Variants in FNDC3B observed in about 807,000 individuals in gnomAD.
FNDC3B encodes the protein fibronectin type III domain containing 3B, also known as fibronectin type III domain-containing protein 3B.
FNDC3B carries 12 observed loss-of-function variants against 151.5 expected under a neutral mutation model. The ratio of observed to expected loss-of-function variants is 0.08; its 90% CI spans 0.05 to 0.13. The LOEUF is 0.13. Among genes scored for constraint, FNDC3B ranks in the 10% least tolerant of loss-of-function variants. The pLI, the probability that FNDC3B is intolerant of heterozygous loss-of-function variation, is 1.00. For missense variants in FNDC3B, 1,214 were observed against 1,505.3 expected, an observed-to-expected ratio of 0.81 and a Z score of 3.20; for synonymous variants, 528 against 549.0, an observed-to-expected ratio of 0.96 and a Z score of 0.54.
intron 22 of FNDC3B, among the ~76,000 whole-genome samples, chr3:172,354,371 AATC>A (rs1285585420): frequency 1.3e-5 from 2 of 151,934 alleles, no homozygotes; most frequent in African/African-American, 4.8e-5. Flanking sequence ...TATATCATGA[AATC>A]ATAAACTAAA....
chr3:172,191,338 C>A (rs1724497816), intron 3 of FNDC3B, among the ~76,000 whole-genome samples: 1 of 152,130 alleles, frequency 6.6e-6, no homozygotes, highest in Non-Finnish European at 1.5e-5. Context: ...TCGTGCTGGG[C>A]AAATTTTACT....
intron 11 of FNDC3B, among the ~76,000 whole-genome samples, chr3:172,323,661 C>A (rs1299720069): frequency 6.6e-6 from 1 of 152,196 alleles, no homozygotes; most frequent in Non-Finnish European, 1.5e-5. Context: ...TATGTAGCCA[C>A]ATAGTGCTTT....
At chr3:172,332,539 A>G (rs1732734117) in intron 13 of FNDC3B, among the ~76,000 whole-genome samples, 2 of 152,244 alleles carry the variant, frequency 1.3e-5, no homozygotes, top group Admixed American at 1.3e-4. Context: ...GGACAGCCCA[A>G]CACAGAGAAG....
intron 3 of FNDC3B, among the ~76,000 whole-genome samples, chr3:172,140,965 G>T (rs958227832): frequency 6.6e-6 from 1 of 152,182 alleles, no homozygotes; most frequent in Admixed American, 6.5e-5. Context: ...TCAGAGTACA[G>T]CTCTGTAGTG....
chr3:172,328,979 T>C lies in FNDC3B; in HGVS notation c.1282T>C (p.Cys428Arg). 6.2e-7 allele frequency: 1 copy of C among 1,613,372 alleles called. No individual in the cohort carries two copies. Residue 428 changes from cysteine (C) to arginine (R), a missense_variant, in exon 12 of 26, where the codon TGC (cysteine) becomes CGC (arginine). Physicochemically the swap from Cys to Arg is radical, Grantham distance 180 (BLOSUM62 -3). This residue lies in a region of FNDC3B where 156 missense variants were observed against 225.3 expected (regional missense o/e 0.69). Coordinates refer to ENST00000415807, the MANE Select transcript of FNDC3B (RefSeq NM_022763.4). ...EGKRNSGFRQ[C>R]FFGSQKHCKL... ...AAAAAGAAATAGTGGTTTCAGACAG[T>C]GCTTCTTCGGGAGCCAGAAGCACTG...
rs1449909513 is a variant in FNDC3B, at chr3:172,398,634, A to C, written c.*1159A>C. 1 of 152,208 alleles carries C rather than the reference A, an allele frequency of 6.6e-6. No individual in the cohort carries two copies. Among genetic ancestry groups the C allele is most frequent in the African/African-American group, 2.4e-5 (1 of 41,446 alleles). The allele number at this position is 152,208 out of a possible 1,614,324, so 9.4% of individuals were successfully genotyped here. ...GAGGGAATGGTGTTTGATGGTAAAC[A>C]CAGGGTGTTTGGGGATCAAGGAGCC... On this transcript the variant is annotated 3_prime_UTR_variant, in exon 26 of 26. Coordinates refer to ENST00000415807, the MANE Select transcript of FNDC3B (RefSeq NM_022763.4).
chr3:172,333,326 CTTTA>C (rs1289728901), intron 14 of FNDC3B, 151 bp downstream of exon 14: 6 of 605,408 alleles, frequency 9.9e-6, no homozygotes, highest in South Asian at 3.8e-5. Context: ...GTACAACATG[CTTTA>C]TTTATTTATT....
At chr3:172,393,568 C>G (rs933130966) in intron 25 of FNDC3B, among the ~76,000 whole-genome samples, 1 of 152,140 alleles carries the variant, frequency 6.6e-6, no homozygotes, top group African/African-American at 2.4e-5. Flanking sequence ...ATGGAACATT[C>G]TCCAGGATAG....
intron 2 of FNDC3B, among the ~76,000 whole-genome samples, chr3:172,113,589 C>T (rs1339348675): frequency 6.6e-6 from 1 of 152,190 alleles, no homozygotes; most frequent in Non-Finnish European, 1.5e-5. Context: ...GAATGCATTT[C>T]ATGTCTTCTC....
intron 6 of FNDC3B, among the ~76,000 whole-genome samples, chr3:172,255,247 T>C (rs908472352): frequency 2.0e-5 from 3 of 152,186 alleles, no homozygotes; most frequent in African/African-American, 4.8e-5. Context: ...CCTGGACCAC[T>C]GTCTCTGAAA....
chr3:172,292,792 T>G (rs1470938452), intron 7 of FNDC3B, among the ~76,000 whole-genome samples: 1 of 152,226 alleles, frequency 6.6e-6, no homozygotes, highest in South Asian at 2.1e-4. Flanking sequence ...TACCTCAGGA[T>G]TACTCATTAA....
intron 11 of FNDC3B, among the ~76,000 whole-genome samples, chr3:172,311,567 T>C (rs1379368682): frequency 2.0e-5 from 3 of 152,008 alleles, no homozygotes; most frequent in African/African-American, 7.2e-5. Context: ...AGCCTTTCAT[T>C]TCTAAAAAGC....
At chr3:172,077,398 A>G (rs1718066810) in intron 1 of FNDC3B, among the ~76,000 whole-genome samples, 1 of 152,232 alleles carries the variant, frequency 6.6e-6, no homozygotes, top group African/African-American at 2.4e-5. Context: ...CTTAAACATG[A>G]CATTATTCAG....
chr3:172,309,148 G>C (rs1731339486), intron 10 of FNDC3B, among the ~76,000 whole-genome samples: 1 of 152,162 alleles, frequency 6.6e-6, no homozygotes, highest in African/African-American at 2.4e-5. Flanking sequence ...AAACTTGAAA[G>C]TTCTGGATTT....
intron 9 of FNDC3B, among the ~76,000 whole-genome samples, chr3:172,300,989 T>C (rs1730886366): frequency 1.3e-5 from 2 of 152,200 alleles, no homozygotes; most frequent in South Asian, 4.1e-4. Context: ...TCCTCTGCCT[T>C]GAATTGCTTC....
Position 172,352,734 on chromosome 3 carries a change from G to A in FNDC3B, c.2515-69G>A. 1 of 1,464,418 alleles carries A rather than the reference G, an allele frequency of 6.8e-7. No individual in the cohort carries two copies. Among genetic ancestry groups the A allele is most frequent in the Non-Finnish European group, 9.3e-7 (1 of 1,080,252 alleles). 90.7% of individuals were successfully genotyped at this position (1,464,418 alleles called of 1,614,324 possible). A position where few individuals can be genotyped will look rare whatever the true frequency, so the allele number is the denominator to read the frequency against. ...ACTACTTTAGATTTATTTAATGGCAGCTAACTCAGAGGCATCAAAATGTGC... is the reference window on the plus strand; with the variant it reads ...ACTACTTTAGATTTATTTAATGGCAACTAACTCAGAGGCATCAAAATGTGC... On this transcript the variant is annotated intron_variant, in intron 21 of 25. Coordinates refer to ENST00000415807, the MANE Select transcript of FNDC3B (RefSeq NM_022763.4). This position sits in a 1 kb window ranked among gnomAD's most constrained non-coding sequence, Gnocchi z 4.2.
At chr3:172,238,612 C>T (rs1269674247) in intron 4 of FNDC3B, among the ~76,000 whole-genome samples, 1 of 152,138 alleles carries the variant, frequency 6.6e-6, no homozygotes, top group African/African-American at 2.4e-5. Context: ...GTTGGCAGCA[C>T]AAGGGGGATT....
intron 15 of FNDC3B, 48 bp from the exon 16 acceptor site, chr3:172,337,282 A>C (rs1276687810): frequency 7.6e-7 from 1 of 1,320,294 alleles, no homozygotes; most frequent in Non-Finnish European, 1.1e-6. Flanking sequence ...TTTACCAATA[A>C]AAATCAATAT....
chr3:172,087,812 T>A (rs151196099), intron 1 of FNDC3B, among the ~76,000 whole-genome samples: 12 of 152,338 alleles, frequency 7.9e-5, no homozygotes, highest in Non-Finnish European at 1.6e-4. Flanking sequence ...TCAATGCTTC[T>A]CCATTTGTGA....
Sources: allele counts gnomAD v4.1 joint callset (sites outside exome capture counted in the v4.1 genomes callset), GRCh38; gene constraint gnomAD v4.1.1; regional missense constraint gnomAD v4.1.1; non-coding constraint Gnocchi (gnomAD v3.1); transcripts MANE v1.5; gene names NCBI Gene and HGNC (gene_info 2026-07-23, HGNC 2026-07-21).